CES1: variants seen among roughly 807,000 people sequenced by gnomAD.
The protein encoded by CES1 is carboxylesterase 1.
Under a neutral mutation model 53.0 loss-of-function variants are expected in CES1, and 50 were observed. The ratio of observed to expected loss-of-function variants is 0.94; its 90% confidence interval spans 0.75 to 1.19. The LOEUF is 1.19. CES1 is among the 50% of genes most tolerant of loss of function. CES1 has a pLI of 0.00. For missense variants in CES1, 534 were observed against 538.0 expected (o/e 0.99, Z 0.07); for synonymous variants, 202 against 210.1 (o/e 0.96, Z 0.33).
In CES1 at chr16:55,810,505, T is replaced by G. The variant is rs1597065243; in HGVS notation, c.1318+12A>C. ...GGGTTTGTGTCCCTCCCGTTCGACC[T>G]CTGGGACTCACCTCTGTGGTTCCGG... On this transcript the variant is annotated intron_variant, in intron 11 of 13. Coordinates refer to ENST00000360526, the MANE Select transcript of CES1 (RefSeq NM_001025195.2). The G allele has an allele frequency of 6.2e-7, 1 of 1,614,102 alleles. No individual in the cohort carries two copies. Among genetic ancestry groups the G allele is most frequent in the Non-Finnish European group, 8.5e-7 (1 of 1,180,016 alleles).
At chr16:55,813,823 G>C (rs1177629966) in intron 8 of CES1, among the ~76,000 whole-genome samples, 11 of 152,218 alleles carry the variant, frequency 7.2e-5, no homozygotes, top group Non-Finnish European at 1.5e-4. Context: ...GCACAAAAAT[G>C]CAGAACACAC....
intron 4 of CES1, among the ~76,000 whole-genome samples, chr16:55,823,293 G>C (rs1169990433): frequency 6.6e-6 from 1 of 152,196 alleles, no homozygotes; most frequent in Non-Finnish European, 1.5e-5. Context: ...ACTGGGGGCT[G>C]GGTCTTGCAG....
intron 9 of CES1, among the ~76,000 whole-genome samples, chr16:55,812,681 A>G (rs1478050272): frequency 6.6e-6 from 1 of 152,122 alleles, no homozygotes; most frequent in Non-Finnish European, 1.5e-5. Context: ...TTCAATAGGA[A>G]GACAATAAGA....
At chr16:55,809,250 G>A (rs538385486) in intron 11 of CES1, among the ~76,000 whole-genome samples, 2 of 152,172 alleles carry the variant, frequency 1.3e-5, no homozygotes, top group Non-Finnish European at 2.9e-5. Flanking sequence ...AGAAAGAACA[G>A]ATTCAACTCC....
At chr16:55,812,197 C>T (rs1342595489) in intron 9 of CES1, 1 of 153,380 alleles carries the variant, frequency 6.5e-6, no homozygotes, top group Non-Finnish European at 1.5e-5. Context: ...GGAAGGAGAA[C>T]ACTTCTTTAC....
chr16:55,811,837 G>A (rs572421515), intron 9 of CES1, among the ~76,000 whole-genome samples: 1 of 152,322 alleles, frequency 6.6e-6, no homozygotes, highest in African/African-American at 2.4e-5. Context: ...CAAACATTCA[G>A]GGAGCTCACT....
Position 55,828,972 on chromosome 16 carries a change from C to G in CES1, c.55G>C (p.Gly19Arg). The G allele has an allele frequency of 6.2e-7, 1 of 1,603,574 alleles. No individual in the cohort carries two copies. The highest frequency in any genetic ancestry group is 8.5e-7 in the Non-Finnish European group (1 of 1,174,980). The change falls in exon 2 of 14, where the codon GGG (glycine) becomes CGG (arginine). Residue 19 changes from glycine to arginine, a missense_variant and splice_region_variant. Physicochemically the swap from Gly to Arg is moderately radical, Grantham distance 125. Coordinates refer to ENST00000360526, the MANE Select transcript of CES1 (RefSeq NM_001025195.2). ...ACCACAGGTGGCGAGGACGGATGCC[C>G]TGCTGGACATGGAGAATAAATCAGG... ...ATLSASAAWA[G>R]HPSSPPVVDT... is the part of the protein sequence containing the mutation.
At chr16:55,808,899 C>G (rs555236590) in intron 11 of CES1, among the ~76,000 whole-genome samples, 2 of 151,738 alleles carry the variant, frequency 1.3e-5, no homozygotes, top group African/African-American at 2.4e-5. Flanking sequence ...AATCTTTAGA[C>G]GAAAACACAA....
chr16:55,829,080 A>G, intron 1 of CES1, 106 bp from the exon 2 acceptor site: 1 of 1,257,754 alleles, frequency 8.0e-7, no homozygotes, highest in Non-Finnish European at 1.1e-6. Context: ...TAAGTCACCT[A>G]AACCCTCTAG....
intron 1 of CES1, among the ~76,000 whole-genome samples, chr16:55,831,009 A>T (rs1351818634): frequency 7.2e-5 from 11 of 152,244 alleles, no homozygotes; most frequent in East Asian, 3.9e-4. Context: ...TGGGATATCC[A>T]GGCAAGATGA....
rs1476294120 is a variant in CES1, at chr16:55,821,235, G to T, written c.693+133C>A. 4 of 1,200,944 alleles carry T rather than the reference G, an allele frequency of 3.3e-6. No individual in the cohort carries two copies. In the African/African-American group the frequency reaches 4.6e-5, roughly 14 times the overall value. 74.4% of individuals were successfully genotyped at this position (1,200,944 alleles called of 1,614,324 possible). A position where few individuals can be genotyped will look rare whatever the true frequency, so the allele number is the denominator to read the frequency against. Reference sequence around the variant, plus strand: ...TTTAGCTTTCTACCCCCTGATGCTGGGCTGTGAGTAGGGCCAGTCCTGAAT... The same window carrying T: ...TTTAGCTTTCTACCCCCTGATGCTGTGCTGTGAGTAGGGCCAGTCCTGAAT... On this transcript the variant is annotated intron_variant, in intron 5 of 13. Coordinates refer to ENST00000360526, the MANE Select transcript of CES1 (RefSeq NM_001025195.2).
Position 55,821,497 on chromosome 16 carries a change from C to A in CES1, c.564G>T (p.Gly188=), listed in dbSNP as rs1451710234. 6 of 1,614,006 alleles carry A rather than the reference C, an allele frequency of 3.7e-6. No homozygotes were observed. In the East Asian group the frequency reaches 1.1e-4, roughly 30 times the overall value. The change falls in exon 5 of 14, where the codon GGG becomes GGT. Residue 188 remains glycine, a synonymous_variant. Coordinates refer to ENST00000360526, the MANE Select transcript of CES1 (RefSeq NM_001025195.2). ...CCACCTGGTCCAGGTGACCCCAGTTCCCCCGGCTGTGTTCATCCCCTGTGC... is the reference window on the plus strand; with the variant it reads ...CCACCTGGTCCAGGTGACCCCAGTTACCCCGGCTGTGTTCATCCCCTGTGC... The part of the protein sequence containing the change: ...FFSTGDEHSR[G]NWGHLDQVAA...
At chr16:55,829,008 G>C in intron 1 of CES1, 34 bp from the exon 2 acceptor site, 2 of 1,570,250 alleles carry the variant, frequency 1.3e-6, no homozygotes, top group South Asian at 1.2e-5. Flanking sequence ...ATGCATCAGA[G>C]GCAAAAGGCT....
chr16:55,811,030 C>A lies in CES1; in HGVS notation c.1087-20G>T. On this transcript the variant is annotated intron_variant, in intron 9 of 13. Coordinates refer to ENST00000360526, the MANE Select transcript of CES1 (RefSeq NM_001025195.2). ...CAACTGCTAAAAAAAAAAAAAAGTT[C>A]AGCATTTATGAATCATTGGGAATTA... is the stretch of plus-strand genomic sequence containing the variant. 2.0e-6 allele frequency: 3 copies of A among 1,519,524 alleles called. No homozygotes were observed. The highest frequency in any genetic ancestry group is 2.7e-6 in the Non-Finnish European group (3 of 1,097,668). The allele number at this position is 1,519,524 out of a possible 1,614,324, so 94.1% of individuals were successfully genotyped here.
chr16:55,820,595 A>C, intron 5 of CES1, 116 bp from the exon 6 acceptor site: 1 of 1,539,648 alleles, frequency 6.5e-7, no homozygotes, highest in East Asian at 2.3e-5. Context: ...TGAGGAATCC[A>C]GTAGTGGGCT....
At position 55,812,978 on chromosome 16, in the gene CES1, T is replaced by C; in HGVS notation, c.1011A>G (p.Gln337=). The C allele has an allele frequency of 1.2e-6, 2 of 1,614,072 alleles. No homozygotes were observed. The highest frequency in any genetic ancestry group is 8.5e-7 in the Non-Finnish European group (1 of 1,179,948). The change falls in exon 9 of 14, where the codon CAA becomes CAG. Residue 337 remains glutamine (Q), a synonymous_variant. Transcript: ENST00000360526. Reference sequence around the variant, plus strand: ...GGACAGTGTGGAAATTCCTTTCAGCTTGAAGCTCTTCAGGTGTTTTCAGCA... The same window carrying C: ...GGACAGTGTGGAAATTCCTTTCAGCCTGAAGCTCTTCAGGTGTTTTCAGCA... ...MLLLKTPEEL[Q]AERNFHTVPY... is the part of the protein sequence containing the mutation.
At chr16:55,812,791 A>C in intron 9 of CES1, 112 bp downstream of exon 9, 1 of 1,466,836 alleles carries the variant, frequency 6.8e-7, no homozygotes, top group Non-Finnish European at 9.5e-7. Flanking sequence ...GCTGAAGGGA[A>C]CAGCTGCCCA....
In CES1 at chr16:55,825,438, C is replaced by T. The variant is rs565361436; in HGVS notation, c.405+713G>A. Among the ~76,000 whole-genome samples the T allele has an allele frequency of 2.6e-5, 4 of 152,342 alleles. No individual in the cohort carries two copies. The South Asian group carries it at 8.3e-4, about 32-fold the overall frequency. On this transcript the variant is annotated intron_variant, in intron 3 of 13. Coordinates refer to ENST00000360526, the MANE Select transcript of CES1 (RefSeq NM_001025195.2). ...CTGGCGGGCTGCCCCATGTCCTGCCCTTCATTTATTTGGGAAATTCTGACT... is the reference window on the plus strand; with the variant it reads ...CTGGCGGGCTGCCCCATGTCCTGCCTTTCATTTATTTGGGAAATTCTGACT...
chr16:55,818,319 G>A (rs547009472), intron 7 of CES1, among the ~76,000 whole-genome samples: 87 of 152,356 alleles, frequency 5.7e-4, no homozygotes, highest in African/African-American at 1.9e-3. Flanking sequence ...AGGATGGCAG[G>A]GAGCAGGGAA....
Sources: allele counts gnomAD v4.1 joint callset (sites outside exome capture counted in the v4.1 genomes callset), GRCh38; gene constraint gnomAD v4.1.1; transcripts MANE v1.5; gene names NCBI Gene and HGNC (gene_info 2026-07-23, HGNC 2026-07-21).